The following NRG1 variants were observed in gnomAD, a reference collection of about 807,000 sequenced individuals.
The protein encoded by NRG1 is neuregulin 1, also known as pro-neuregulin-1, membrane-bound isoform.
A neutral mutation model predicts 63.8 loss-of-function variants in NRG1; 18 were observed. The ratio of observed to expected loss-of-function variants is 0.28; its 90% confidence interval spans 0.19 to 0.42. The LOEUF is 0.42. Ranked by LOEUF, NRG1 falls within the 10% of genes least tolerant of loss-of-function variation. NRG1 has a pLI of 1.00. For synonymous variants in NRG1, 302 were observed against 301.3 expected (o/e 1.00, Z -0.02); for missense variants, 762 against 814.7 (o/e 0.94, Z 0.79).
chr8:32,484,244 G>C (rs1202136690), intron 1 of NRG1, among the ~76,000 whole-genome samples: 1 of 152,170 alleles, frequency 6.6e-6, no homozygotes, highest in African/African-American at 2.4e-5. Context: ...TGAAGAAACT[G>C]GTAGGCTACT....
At chr8:32,461,012 C>A (rs1822242284) in intron 1 of NRG1, among the ~76,000 whole-genome samples, 1 of 152,074 alleles carries the variant, frequency 6.6e-6, no homozygotes, top group African/African-American at 2.4e-5. Flanking sequence ...ATGTGGGATG[C>A]AAGTTACTGA....
chr8:31,946,757 G>A (rs1186105898), intron 1 of NRG1, among the ~76,000 whole-genome samples: 2 of 152,134 alleles, frequency 1.3e-5, no homozygotes, highest in Non-Finnish European at 2.9e-5. Flanking sequence ...TGCATCTAAG[G>A]ACCCACTGAC....
intron 1 of NRG1, among the ~76,000 whole-genome samples, chr8:31,972,741 T>C (rs961047611): frequency 5.3e-5 from 8 of 152,128 alleles, no homozygotes; most frequent in African/African-American, 1.7e-4. Flanking sequence ...AATACAGGAA[T>C]GGACTCACTC....
intron 1 of NRG1, among the ~76,000 whole-genome samples, chr8:32,591,284 C>T (rs907216627): frequency 2.6e-5 from 4 of 152,168 alleles, no homozygotes; most frequent in Non-Finnish European, 2.9e-5. Flanking sequence ...TTTTCCACAT[C>T]TGATGATTTT....
At chr8:32,703,242 G>T (rs751705329) in intron 5 of NRG1, among the ~76,000 whole-genome samples, 9 of 152,066 alleles carry the variant, frequency 5.9e-5, no homozygotes, top group Middle Eastern at 3.4e-3. Flanking sequence ...AATTTATTAG[G>T]GGCTGAATAC....
At chr8:32,145,609 C>A (rs1180574794) in intron 1 of NRG1, among the ~76,000 whole-genome samples, 1 of 152,166 alleles carries the variant, frequency 6.6e-6, no homozygotes, top group African/African-American at 2.4e-5. Context: ...AGGCATGGCG[C>A]TGTGTCTACC....
intron 1 of NRG1, among the ~76,000 whole-genome samples, chr8:32,573,930 G>A (rs1408382416): frequency 2.0e-5 from 3 of 152,024 alleles, no homozygotes; most frequent in Non-Finnish European, 2.9e-5. Flanking sequence ...GCGATAGTTT[G>A]CTGAGAATGA....
chr8:32,646,722 A>G (rs1213499820), intron 5 of NRG1: 3 of 985,266 alleles, frequency 3.0e-6, no homozygotes, highest in African/African-American at 3.5e-5. Flanking sequence ...GGTGGGGGCC[A>G]TGGGGACTAG....
chr8:32,671,417 T>C (rs1011743642), intron 5 of NRG1, among the ~76,000 whole-genome samples: 3 of 152,194 alleles, frequency 2.0e-5, no homozygotes, highest in African/African-American at 7.2e-5. Flanking sequence ...TCATAACAAA[T>C]GAGAGGAATG....
chr8:32,751,783 G>A (rs997033168), intron 7 of NRG1, among the ~76,000 whole-genome samples: 15 of 152,122 alleles, frequency 9.9e-5, no homozygotes, highest in African/African-American at 3.6e-4. Context: ...ACTGGAAAAT[G>A]TGTGTCTTCC....
intron 1 of NRG1, among the ~76,000 whole-genome samples, chr8:31,806,653 C>A (rs956987217): frequency 6.6e-6 from 1 of 152,120 alleles, no homozygotes; most frequent in Non-Finnish European, 1.5e-5. Context: ...GAAAAGGAAT[C>A]CTTTTCATTT....
At chr8:32,743,584 A>ATATATATATATG (rs1826854859) in intron 7 of NRG1, among the ~76,000 whole-genome samples, 2 of 145,062 alleles carry the variant, frequency 1.4e-5, no homozygotes, top group Non-Finnish European at 1.5e-5. Context: ...ATATATATAT[A>ATATATATATATG]TATATATATA....
chr8:32,492,424 T>TTC (rs386412516), intron 1 of NRG1, among the ~76,000 whole-genome samples: 4 of 18,320 alleles, frequency 2.2e-4, no homozygotes, highest in Admixed American at 1.2e-3. Flanking sequence ...CCCTTTCATC[T>TTC]TTTTTTTTTT....
intron 1 of NRG1, among the ~76,000 whole-genome samples, chr8:31,938,329 T>C (rs1801239494): frequency 6.6e-6 from 1 of 151,996 alleles, no homozygotes; most frequent in Admixed American, 6.6e-5. Context: ...AATTCATCTC[T>C]CAGAAAGCCC....
In NRG1 at chr8:31,799,104, T is replaced by C. The variant is rs577708659; in HGVS notation, c.37+159673T>C. On this transcript the variant is annotated intron_variant, in intron 1 of 10. Transcript: ENST00000519301. The stretch of plus-strand genomic sequence containing the variant: ...ATTCTAACACTTGGCCCTGGTAGGG[T>C]TTATTTGTATATGTGTGGGTGTACT... Among the ~76,000 whole-genome samples the C allele has an allele frequency of 2.2e-4, 33 of 152,280 alleles. 1 individual carries two copies. In the South Asian group the frequency reaches 6.6e-3, roughly 31 times the overall value.
At chr8:31,968,414 T>C (rs778857649) in intron 1 of NRG1, among the ~76,000 whole-genome samples, 1 of 152,196 alleles carries the variant, frequency 6.6e-6, no homozygotes, top group Non-Finnish European at 1.5e-5. Context: ...ACTCACCCTA[T>C]TCCCAAAGAG....
At position 32,646,595 on chromosome 8, in the gene NRG1, C is replaced by T. The variant is rs569639037; in HGVS notation, c.502+29710C>T. The T allele has an allele frequency of 3.8e-5, 29 of 755,080 alleles. No homozygotes were observed. In the Admixed American group the frequency reaches 1.1e-3, roughly 29 times the overall value. 46.8% of individuals were successfully genotyped at this position (755,080 alleles called of 1,614,324 possible). On this transcript the variant is annotated intron_variant, in intron 5 of 11. Coordinates refer to ENST00000356819, the Ensembl canonical transcript of NRG1. ...GCTTTGTTAGATTGCTAGCATCGAT[C>T]GCTGGCTTTCTCTGACCCAACAGTG...
At chr8:32,027,835 A>G (rs1316077330) in intron 1 of NRG1, among the ~76,000 whole-genome samples, 2 of 152,114 alleles carry the variant, frequency 1.3e-5, no homozygotes, top group African/African-American at 2.4e-5. Context: ...AATTTCTCAA[A>G]TTTGCTGTGT....
At chr8:32,361,200 A>G (rs1481382737) in intron 1 of NRG1, among the ~76,000 whole-genome samples, 1 of 152,122 alleles carries the variant, frequency 6.6e-6, no homozygotes, top group African/African-American at 2.4e-5. Context: ...ACAGCTACCC[A>G]TGTACCTTCA....
Sources: gnomAD v4.1 joint callset for allele counts (sites outside exome capture counted in the v4.1 genomes callset) on GRCh38, gnomAD v4.1.1 for gene constraint, MANE v1.5 for transcripts, NCBI Gene and HGNC (gene_info 2026-07-23, HGNC 2026-07-21) for gene names.